DYNLL1: variants seen among roughly 807,000 people sequenced by gnomAD.
DYNLL1 encodes the protein dynein light chain LC8-type 1, also known as dynein light chain 1, cytoplasmic.
Under a neutral mutation model 10.1 loss-of-function variants are expected in DYNLL1, and 3 were observed. The observed-to-expected ratio is 0.30, with a 90% confidence interval of 0.14 to 0.77. The LOEUF is 0.77. Ranked by LOEUF, DYNLL1 falls within the 30% of genes least tolerant of loss-of-function variation. The pLI is 0.66. For synonymous variants in DYNLL1, 46 were observed against 41.2 expected (o/e 1.12, Z -0.45); for missense variants, 47 against 111.7 (o/e 0.42, Z 2.61).
intron 1 of DYNLL1, among the ~76,000 whole-genome samples, chr12:120,484,952 C>A (rs1878959500): frequency 6.6e-6 from 1 of 152,214 alleles, no homozygotes; most frequent in South Asian, 2.1e-4. Flanking sequence ...ATTGGCCAGG[C>A]TGGTCTCGAA....
chr12:120,496,891 G>T, intron 2 of DYNLL1: 1 of 498,166 alleles, frequency 2.0e-6, no homozygotes, highest in Non-Finnish European at 3.5e-6. Context: ...GGAGCTGCGT[G>T]GGTGTTTCCA....
chr12:120,479,901 G>T (rs1878845804), intron 1 of DYNLL1, among the ~76,000 whole-genome samples: 1 of 152,166 alleles, frequency 6.6e-6, no homozygotes, highest in African/African-American at 2.4e-5. Flanking sequence ...TATTTCAGAT[G>T]TTCACTGGCA....
At chr12:120,475,064 T>A (rs974109331) in intron 1 of DYNLL1, among the ~76,000 whole-genome samples, 1 of 152,082 alleles carries the variant, frequency 6.6e-6, no homozygotes, top group Non-Finnish European at 1.5e-5. Context: ...GTGTCAAGTG[T>A]GGGAGGATGA....
At chr12:120,496,266 C>T in intron 1 of DYNLL1, 50 bp downstream of exon 1, 1 of 1,174,152 alleles carries the variant, frequency 8.5e-7, no homozygotes, top group Non-Finnish European at 1.2e-6. Context: ...TATTTCGCCC[C>T]ACTCCGGACT....
chr12:120,485,556 T>C (rs1593001932), intron 1 of DYNLL1, among the ~76,000 whole-genome samples: 1 of 151,956 alleles, frequency 6.6e-6, no homozygotes, highest in African/African-American at 2.4e-5. Context: ...AAATGATACA[T>C]TGGCCAGGTT....
chr12:120,480,387 G>A (rs1878855429), intron 1 of DYNLL1, among the ~76,000 whole-genome samples: 2 of 152,194 alleles, frequency 1.3e-5, no homozygotes, highest in African/African-American at 4.8e-5. Context: ...CAGCAGAGGG[G>A]ACAAAGTGTC....
At position 120,498,400 on chromosome 12, in the gene DYNLL1, C is replaced by T. The variant is rs1012454731; in HGVS notation, c.*190C>T. Reference sequence around the variant, plus strand: ...GGTTATAAAACAATTAGCAGAATAGCCTACATTTGTATTTATTTTCTATTC... The same window carrying T: ...GGTTATAAAACAATTAGCAGAATAGTCTACATTTGTATTTATTTTCTATTC... On this transcript the variant is annotated 3_prime_UTR_variant, in exon 3 of 3. Coordinates refer to ENST00000242577, the MANE Select transcript of DYNLL1 (RefSeq NM_003746.3). 3 of 555,434 alleles carry T rather than the reference C, an allele frequency of 5.4e-6. No individual in the cohort carries two copies. Among genetic ancestry groups the T allele is most frequent in the East Asian group, 6.7e-5 (2 of 29,966 alleles). The allele number at this position is 555,434 out of a possible 1,614,324, so 34.4% of individuals were successfully genotyped here.
Position 120,496,567 on chromosome 12 carries a change from CGG to C in DYNLL1, c.132+18_132+19del, listed in dbSNP as rs1435736002. 1.9e-6 allele frequency: 3 copies of C among 1,613,342 alleles called. No individual in the cohort carries two copies. The Admixed American group carries it at 5.0e-5, about 27-fold the overall frequency. The stretch of plus-strand genomic sequence containing the variant: ...CATATCAAGAAGGTGAGGATGGGCG[CGG>C]GGGCCGATACGCAGCCGGGAGCAGG... On this transcript the variant is annotated intron_variant, in intron 2 of 2. Transcript: ENST00000242577.
At chr12:120,485,231 A>C (rs1404462448) in intron 1 of DYNLL1, among the ~76,000 whole-genome samples, 2 of 148,280 alleles carry the variant, frequency 1.3e-5, no homozygotes, top group Non-Finnish European at 3.0e-5. Flanking sequence ...TACATAAGTA[A>C]ATAGTTATGT....
chr12:120,471,296 C>G (rs1878645542), intron 1 of DYNLL1, among the ~76,000 whole-genome samples: 1 of 151,566 alleles, frequency 6.6e-6, no homozygotes, highest in Non-Finnish European at 1.5e-5. Flanking sequence ...TCGCTTGAAT[C>G]TGGGAGGCAG....
intron 2 of DYNLL1, chr12:120,496,803 T>C: frequency 1.6e-6 from 1 of 611,194 alleles, no homozygotes; most frequent in Non-Finnish European, 2.8e-6. Flanking sequence ...CTAGCAACGG[T>C]ATCTAAGATC....
At chr12:120,482,873 G>A (rs1247294857) in intron 1 of DYNLL1, among the ~76,000 whole-genome samples, 4 of 151,836 alleles carry the variant, frequency 2.6e-5, no homozygotes, top group East Asian at 1.9e-4. Context: ...GAGTCCATGA[G>A]TTCGAGACCA....
At chr12:120,494,710 C>T (rs1410656868), upstream of DYNLL1, among the ~76,000 whole-genome samples, 1 of 152,174 alleles carries the variant, frequency 6.6e-6, no homozygotes, top group Non-Finnish European at 1.5e-5. Context: ...CTTGACTCGG[C>T]TTCTCAAAGT....
intron 2 of DYNLL1, chr12:120,497,339 T>C (rs1383531342): frequency 6.5e-6 from 1 of 153,162 alleles, no homozygotes; most frequent in Non-Finnish European, 1.5e-5. Flanking sequence ...TACTCCCCAG[T>C]ACCTCTTAGG....
intron 2 of DYNLL1, chr12:120,496,783 A>T (rs1183171676): frequency 1.6e-6 from 1 of 632,132 alleles, no homozygotes; most frequent in African/African-American, 1.9e-5. Flanking sequence ...CCGCGGGGGG[A>T]AAGCGCCACC....
At chr12:120,479,449 C>CAAAAAAAA (rs71076617) in intron 1 of DYNLL1, among the ~76,000 whole-genome samples, 26 of 76,072 alleles carry the variant, frequency 3.4e-4, no homozygotes, top group Non-Finnish European at 5.2e-4. Context: ...ACTCCGTCTC[C>CAAAAAAAA]AAAAAAAAAA....
At chr12:120,486,654 G>C (rs999855301) in intron 1 of DYNLL1, among the ~76,000 whole-genome samples, 1 of 151,796 alleles carries the variant, frequency 6.6e-6, no homozygotes, top group Non-Finnish European at 1.5e-5. Flanking sequence ...TTTTATTTTT[G>C]GTAGAGATGG....
chr12:120,471,701 C>T (rs1326474580), intron 1 of DYNLL1, among the ~76,000 whole-genome samples: 1 of 151,992 alleles, frequency 6.6e-6, no homozygotes, highest in Non-Finnish European at 1.5e-5. Flanking sequence ...AGCTCCGCCT[C>T]CCAGGTTCAT....
chr12:120,492,677 C>A (rs1879160942), upstream of DYNLL1, among the ~76,000 whole-genome samples: 1 of 152,204 alleles, frequency 6.6e-6, no homozygotes, highest in African/African-American at 2.4e-5. The surrounding 1 kb of genome is among the most constrained non-coding windows in gnomAD (Gnocchi z 4.1). Flanking sequence ...AGCCCGTGCT[C>A]TCAGAAACAT....
Sources: gnomAD v4.1 joint callset for allele counts (sites outside exome capture counted in the v4.1 genomes callset) on GRCh38, gnomAD v4.1.1 for gene constraint, Gnocchi (gnomAD v3.1) non-coding constraint, MANE v1.5 for transcripts, NCBI Gene and HGNC (gene_info 2026-07-23, HGNC 2026-07-21) for gene names.